C12orf42: variants seen among roughly 807,000 people sequenced by gnomAD.
The protein encoded by C12orf42 is chromosome 12 open reading frame 42.
C12orf42 carries 25 observed loss-of-function variants against 21.6 expected under a neutral mutation model. The ratio of observed to expected loss-of-function variants is 1.16; its 90% CI spans 0.84 to 1.62. The LOEUF is 1.62. C12orf42 is among the 40% of genes most tolerant of loss of function. The probability of loss-of-function intolerance (pLI) is 0.00; values close to 1 mark genes in which losing one functional copy is unlikely to be tolerated. For synonymous variants in C12orf42, 174 were observed against 175.0 expected (o/e 0.99, Z 0.05); for missense variants, 483 against 459.3 (o/e 1.05, Z -0.47).
At chr12:103,121,011 T>C in the C12orf42 span, among the ~76,000 whole-genome samples, 1 of 152,086 alleles carries the variant, frequency 6.6e-6, no homozygotes, top group Non-Finnish European at 1.5e-5. Flanking sequence ...CCTAAATTTC[T>C]TGGCACACCC....
At chr12:103,067,123 T>C in the C12orf42 span, among the ~76,000 whole-genome samples, 1 of 152,192 alleles carries the variant, frequency 6.6e-6, no homozygotes, top group Non-Finnish European at 1.5e-5. Context: ...AGCTACCTGA[T>C]GGCAGGTTGA....
chr12:103,138,975 C>T, the C12orf42 span, among the ~76,000 whole-genome samples: 5 of 152,116 alleles, frequency 3.3e-5, no homozygotes, highest in African/African-American at 7.2e-5. Flanking sequence ...GTATTGTTCT[C>T]GATGGTGTCA....
chr12:103,471,528 AT>A (rs1291234613), intron 2 of C12orf42, among the ~76,000 whole-genome samples: 2 of 152,234 alleles, frequency 1.3e-5, no homozygotes, highest in African/African-American at 4.8e-5. Flanking sequence ...TAGCATCTTG[AT>A]TGTATGAGGT....
At chr12:103,528,727 A>G in the C12orf42 span, among the ~76,000 whole-genome samples, 1 of 152,200 alleles carries the variant, frequency 6.6e-6, no homozygotes, top group Non-Finnish European at 1.5e-5. Context: ...CACGAGCCAA[A>G]TAAATTTGAG....
At chr12:103,283,594 G>GCC (rs1481555782) in intron 4 of C12orf42, among the ~76,000 whole-genome samples, 5 of 152,136 alleles carry the variant, frequency 3.3e-5, no homozygotes, top group African/African-American at 1.2e-4. Context: ...TTCCTCTCCA[G>GCC]AGTCTTGGAC....
the C12orf42 span, among the ~76,000 whole-genome samples, chr12:103,050,869 A>C: frequency 6.6e-6 from 1 of 152,176 alleles, no homozygotes; most frequent in Non-Finnish European, 1.5e-5. Flanking sequence ...TTCAGCTTTC[A>C]AAAATACTTT....
chr12:103,532,538 A>G, the C12orf42 span, among the ~76,000 whole-genome samples: 1 of 151,242 alleles, frequency 6.6e-6, no homozygotes, highest in South Asian at 2.1e-4. Flanking sequence ...TGCCATCTGG[A>G]AAAAAAAACA....
chr12:103,506,603 G>T, the C12orf42 span, among the ~76,000 whole-genome samples: 5 of 150,774 alleles, frequency 3.3e-5, no homozygotes, highest in African/African-American at 1.2e-4. Context: ...GGAGCAATAG[G>T]CTATACCATC....
At chr12:103,558,750 A>G in the C12orf42 span, 1 of 152,208 alleles carries the variant, frequency 6.6e-6, no homozygotes, top group Admixed American at 6.5e-5. Context: ...GGAGGTACAC[A>G]GTGATCAAAA....
chr12:103,501,188 G>A, the C12orf42 span, among the ~76,000 whole-genome samples: 2 of 152,186 alleles, frequency 1.3e-5, no homozygotes, highest in Non-Finnish European at 1.5e-5. Flanking sequence ...TGAAAGGCAT[G>A]GGAGGGAGAT....
At chr12:103,366,760 A>G (rs1370624246) in intron 4 of C12orf42, among the ~76,000 whole-genome samples, 1 of 152,138 alleles carries the variant, frequency 6.6e-6, no homozygotes, top group Non-Finnish European at 1.5e-5. Flanking sequence ...ACAATGCGAT[A>G]CCACCTTACT....
At chr12:103,116,381 A>AAAAAATATATATAT in the C12orf42 span, among the ~76,000 whole-genome samples, 144 of 136,666 alleles carry the variant, frequency 1.1e-3, no homozygotes, top group African/African-American at 3.8e-3. Context: ...AAAAAAAAAA[A>AAAAAATATATATAT]ATATATATAT....
chr12:103,414,295 GT>G (rs1424776886), intron 2 of C12orf42, among the ~76,000 whole-genome samples: 1 of 151,794 alleles, frequency 6.6e-6, no homozygotes, highest in African/African-American at 2.4e-5. Flanking sequence ...TCTGAGAACT[GT>G]CTATTTATGT....
At chr12:103,258,929 G>T (rs1225252060) in intron 10 of C12orf42, among the ~76,000 whole-genome samples, 1 of 152,126 alleles carries the variant, frequency 6.6e-6, no homozygotes, top group African/African-American at 2.4e-5. Context: ...ATAATTTTAA[G>T]TTGAACCCCA....
At chr12:103,249,204 T>C (rs988112655) in intron 10 of C12orf42, among the ~76,000 whole-genome samples, 1 of 152,056 alleles carries the variant, frequency 6.6e-6, no homozygotes, top group African/African-American at 2.4e-5. Context: ...AGTTTGTGAA[T>C]ACTCATGGAG....
At chr12:103,337,894 G>A (rs187729595) in intron 4 of C12orf42, among the ~76,000 whole-genome samples, 1 of 152,086 alleles carries the variant, frequency 6.6e-6, no homozygotes, top group African/African-American at 2.4e-5. Flanking sequence ...TATTTGCCAA[G>A]ATTCAATCAA....
chr12:103,216,082 C>G, the C12orf42 span, among the ~76,000 whole-genome samples: 1 of 152,152 alleles, frequency 6.6e-6, no homozygotes, highest in Non-Finnish European at 1.5e-5. Context: ...ATCACAGATT[C>G]AGAGAGAAGT....
intron 4 of C12orf42, among the ~76,000 whole-genome samples, chr12:103,290,284 G>T (rs1045080324): frequency 6.6e-6 from 1 of 152,118 alleles, no homozygotes; most frequent in African/African-American, 2.4e-5. Flanking sequence ...AGTCACTCAG[G>T]AACAACAGCT....
the C12orf42 span, among the ~76,000 whole-genome samples, chr12:103,121,761 A>G: frequency 2.0e-5 from 3 of 152,222 alleles, no homozygotes; most frequent in Non-Finnish European, 2.9e-5. Context: ...TTCAGACTAG[A>G]TGAAAAGATT....
Sources: allele counts gnomAD v4.1 joint callset (sites outside exome capture counted in the v4.1 genomes callset), GRCh38; gene constraint gnomAD v4.1.1; transcripts MANE v1.5; gene names NCBI Gene and HGNC (gene_info 2026-07-23, HGNC 2026-07-21).